The following AGTPBP1 variants were observed in gnomAD, a reference collection of about 807,000 sequenced individuals.
AGTPBP1 encodes the protein ATP/GTP binding carboxypeptidase 1.
A neutral mutation model predicts 143.9 loss-of-function variants in AGTPBP1; 70 were observed. The ratio of observed to expected loss-of-function variants is 0.49; its 90% CI spans 0.40 to 0.59. AGTPBP1 has a LOEUF of 0.59. AGTPBP1 is among the 20% of genes least tolerant of loss of function. The probability of loss-of-function intolerance (pLI) is 0.00; values close to 1 mark genes in which losing one functional copy is unlikely to be tolerated. For synonymous variants in AGTPBP1, 463 were observed against 500.2 expected (o/e 0.93, Z 0.99); for missense variants, 1,229 against 1,464.5 (o/e 0.84, Z 2.62).
intron 2 of AGTPBP1, among the ~76,000 whole-genome samples, chr9:85,710,465 C>A (rs1034832404): frequency 6.6e-6 from 1 of 152,128 alleles, no homozygotes; most frequent in South Asian, 2.1e-4. Context: ...ATTTCTCCCC[C>A]CTTTTCAGAC....
At chr9:85,721,046 T>G (rs1564181904) in intron 1 of AGTPBP1, among the ~76,000 whole-genome samples, 2 of 152,236 alleles carry the variant, frequency 1.3e-5, no homozygotes, top group Non-Finnish European at 2.9e-5. Flanking sequence ...TGTTGTGATT[T>G]CTGCTCTTCT....
the AGTPBP1 span, chr9:85,753,192 G>A: frequency 7.1e-7 from 1 of 1,410,626 alleles, no homozygotes; most frequent in Admixed American, 2.3e-5. Context: ...CTCCAGCCTG[G>A]GTGACAGAGC....
At chr9:85,763,617 T>C in the AGTPBP1 span, among the ~76,000 whole-genome samples, 2 of 151,878 alleles carry the variant, frequency 1.3e-5, no homozygotes, top group Admixed American at 1.3e-4. Context: ...GTAACTTATA[T>C]TGGGAGAATG....
chr9:85,767,991 CA>C, the AGTPBP1 span, among the ~76,000 whole-genome samples: 1 of 152,146 alleles, frequency 6.6e-6, no homozygotes, highest in African/African-American at 2.4e-5. Flanking sequence ...AGTTGAAAAG[CA>C]GTGCTCTATC....
At chr9:85,726,108 T>C (rs1459103485) in intron 1 of AGTPBP1, among the ~76,000 whole-genome samples, 2 of 141,764 alleles carry the variant, frequency 1.4e-5, no homozygotes, top group Non-Finnish European at 3.0e-5. Flanking sequence ...CATGCACCTA[T>C]GGTCCCAGCT....
rs538140426 is a variant in AGTPBP1 at position 85,616,598 on chromosome 9, A to G, written c.2335+2385T>C. Among the ~76,000 whole-genome samples the G allele has an allele frequency of 5.6e-3, 845 of 152,058 alleles. 5 individuals are homozygous for G. The highest frequency in any genetic ancestry group is 0.01 in the Non-Finnish European group (686 of 67,814). ...ATATCAGGAATAAATATGCCTTTATATTTTACTCGTAAGGTGCACCCACCA... is the reference window on the plus strand; with the variant it reads ...ATATCAGGAATAAATATGCCTTTATGTTTTACTCGTAAGGTGCACCCACCA... On this transcript the variant is annotated intron_variant, in intron 17 of 25. Transcript: ENST00000357081.
At chr9:85,564,745 T>C (rs1042805518) in intron 25 of AGTPBP1, among the ~76,000 whole-genome samples, 1 of 152,222 alleles carries the variant, frequency 6.6e-6, no homozygotes, top group Non-Finnish European at 1.5e-5. Flanking sequence ...ATTCATACGA[T>C]GATGAAATCA....
chr9:85,620,199 TCAGGA>T (rs930665788), intron 15 of AGTPBP1, among the ~76,000 whole-genome samples: 14 of 151,946 alleles, frequency 9.2e-5, no homozygotes, highest in Non-Finnish European at 1.3e-4. Flanking sequence ...TGACCTGAGG[TCAGGA>T]AGTTCGAGAC....
intron 4 of AGTPBP1, among the ~76,000 whole-genome samples, chr9:85,679,369 T>G (rs1023970511): frequency 2.8e-5 from 4 of 145,312 alleles, no homozygotes; most frequent in East Asian, 1.9e-4. Flanking sequence ...TTTTGAAGTG[T>G]TTTTTTTTGT....
intron 1 of AGTPBP1, among the ~76,000 whole-genome samples, chr9:85,739,486 A>G (rs1248805743): frequency 6.6e-6 from 1 of 152,172 alleles, no homozygotes; most frequent in Non-Finnish European, 1.5e-5. Flanking sequence ...AGGTGGGCAG[A>G]CCACCTGAGG....
chr9:85,601,096 TCCCAGGTC>T (rs1829638967), intron 17 of AGTPBP1, among the ~76,000 whole-genome samples: 1 of 152,054 alleles, frequency 6.6e-6, no homozygotes, highest in Non-Finnish European at 1.5e-5. Context: ...GCAAACAGGC[TCCCAGGTC>T]CCCAGCTGTC....
chr9:85,635,609 G>C (rs1418949059), intron 13 of AGTPBP1, among the ~76,000 whole-genome samples: 1 of 152,052 alleles, frequency 6.6e-6, no homozygotes, highest in Non-Finnish European at 1.5e-5. Flanking sequence ...ATCAAATGAA[G>C]AAGGGATCCC....
chr9:85,563,932 G>T (rs1159286132), intron 25 of AGTPBP1, among the ~76,000 whole-genome samples: 1 of 152,226 alleles, frequency 6.6e-6, no homozygotes, highest in Non-Finnish European at 1.5e-5. Context: ...ACTTCAGAGG[G>T]CACAGGCATT....
In AGTPBP1 at chr9:85,741,898, G is replaced by C; in HGVS notation, c.-157C>G. On this transcript the variant is annotated 5_prime_UTR_variant, in exon 1 of 26. Coordinates refer to ENST00000357081, the MANE Select transcript of AGTPBP1 (RefSeq NM_001330701.2). ...TTTCATACAAACCCCGGTGGCAGGC[G>C]AGGCGGAGGCGGCGGCGGCGGCAGC... The C allele has an allele frequency of 7.4e-7, 1 of 1,347,604 alleles. No individual in the cohort carries two copies. Among genetic ancestry groups the C allele is most frequent in the Non-Finnish European group, 9.5e-7 (1 of 1,053,200 alleles). The allele number at this position is 1,347,604 out of a possible 1,614,324, so 83.5% of individuals were successfully genotyped here. A position where few individuals can be genotyped will look rare whatever the true frequency, so the allele number is the denominator to read the frequency against.
intron 1 of AGTPBP1, among the ~76,000 whole-genome samples, chr9:85,734,514 C>G (rs1015806298): frequency 7.9e-5 from 12 of 152,076 alleles, no homozygotes; most frequent in African/African-American, 2.4e-4. Context: ...TACTAGGAAA[C>G]CAAATACAGC....
rs952893586 is a variant in AGTPBP1 at position 85,678,226 on chromosome 9, C to T, written c.289+109G>A. The T allele has an allele frequency of 1.4e-5, 9 of 649,986 alleles. No individual in the cohort carries two copies. In the African/African-American group the frequency reaches 1.5e-4, roughly 11 times the overall value. 40.3% of individuals were successfully genotyped at this position (649,986 alleles called of 1,614,324 possible). A position where few individuals can be genotyped will look rare whatever the true frequency, so the allele number is the denominator to read the frequency against. ...GACATTTCAGTTTCTAATTCCAATA[C>T]TCAGAATAGCCTCTATAAGAGTATC... On this transcript the variant is annotated intron_variant, in intron 5 of 25. Coordinates refer to ENST00000357081, the MANE Select transcript of AGTPBP1 (RefSeq NM_001330701.2).
intron 2 of AGTPBP1, among the ~76,000 whole-genome samples, chr9:85,707,498 G>GA (rs201937993): frequency 1.1e-3 from 166 of 148,658 alleles, no homozygotes; most frequent in Middle Eastern, 6.9e-3. Flanking sequence ...GGCTGATTGA[G>GA]AAAAAAAAAC....
At chr9:85,777,851 C>A in the AGTPBP1 span, among the ~76,000 whole-genome samples, 80 of 152,364 alleles carry the variant, frequency 5.3e-4, no homozygotes, top group African/African-American at 1.9e-3. Flanking sequence ...AGTGCACAAC[C>A]AGGTGCACTG....
At chr9:85,754,224 C>T in the AGTPBP1 span, among the ~76,000 whole-genome samples, 3 of 152,186 alleles carry the variant, frequency 2.0e-5, no homozygotes, top group Non-Finnish European at 2.9e-5. Flanking sequence ...TGGAGTCTCG[C>T]TCTGTCGCCC....
Sources: allele counts gnomAD v4.1 joint callset (sites outside exome capture counted in the v4.1 genomes callset), GRCh38; gene constraint gnomAD v4.1.1; transcripts MANE v1.5; gene names NCBI Gene and HGNC (gene_info 2026-07-23, HGNC 2026-07-21).